The following RARB variants were observed in gnomAD, a reference collection of about 807,000 sequenced individuals.
RARB encodes the protein HBV-activated protein.
RARB carries 17 observed loss-of-function variants against 51.9 expected under a neutral mutation model. The observed-to-expected ratio is 0.33, with a 90% CI of 0.22 to 0.49. The LOEUF is 0.49. Ranked by LOEUF, RARB falls within the 20% of genes least tolerant of loss-of-function variation. RARB has a pLI of 0.99. For missense variants in RARB, 369 were observed against 550.8 expected (o/e 0.67, Z 3.30); for synonymous variants, 215 against 195.4 (o/e 1.10, Z -0.84).
chr3:25,494,688 A>T (rs1292653248), intron 2 of RARB, among the ~76,000 whole-genome samples: 1 of 152,176 alleles, frequency 6.6e-6, no homozygotes, highest in African/African-American at 2.4e-5. Context: ...ATTGGCATCG[A>T]GTGAATGTAT....
chr3:25,366,305 C>G (rs1437279956), intron 5 of RARB, among the ~76,000 whole-genome samples: 1 of 152,200 alleles, frequency 6.6e-6, no homozygotes, highest in Non-Finnish European at 1.5e-5. Flanking sequence ...CTGATTATTT[C>G]CCAGTCCCAT....
intron 3 of RARB, among the ~76,000 whole-genome samples, chr3:25,081,080 T>G (rs532545125): frequency 6.6e-6 from 1 of 152,262 alleles, no homozygotes; most frequent in South Asian, 2.1e-4. Context: ...GGTGAAAATT[T>G]AGATCATTAG....
chr3:25,337,417 T>G (rs1280777775), intron 5 of RARB, among the ~76,000 whole-genome samples: 5 of 152,218 alleles, frequency 3.3e-5, no homozygotes, highest in African/African-American at 1.2e-4. Flanking sequence ...GTTCCCTCAA[T>G]GTGTCAGAAG....
At chr3:24,944,904 G>T (rs1695741431) in intron 2 of RARB, among the ~76,000 whole-genome samples, 3 of 152,124 alleles carry the variant, frequency 2.0e-5, no homozygotes, top group South Asian at 2.1e-4. Context: ...GCCATTGAAG[G>T]TTCAGTAACA....
At chr3:25,577,878 C>A (rs1701004721) in intron 4 of RARB, among the ~76,000 whole-genome samples, 1 of 152,136 alleles carries the variant, frequency 6.6e-6, no homozygotes, top group Non-Finnish European at 1.5e-5. Context: ...CATATATGGG[C>A]CACCACGCGG....
chr3:25,594,428 A>G (rs1701733346), intron 6 of RARB, 92 bp from the exon 7 acceptor site: 3 of 1,284,698 alleles, frequency 2.3e-6, no homozygotes, highest in Non-Finnish European at 3.1e-6. Context: ...TACCAAATTA[A>G]TGAACTCATA....
At chr3:25,274,780 G>A (rs1703339472) in intron 5 of RARB, among the ~76,000 whole-genome samples, 1 of 152,066 alleles carries the variant, frequency 6.6e-6, no homozygotes, top group Non-Finnish European at 1.5e-5. Flanking sequence ...CATTATAGCG[G>A]CAAAAATACA....
chr3:25,081,037 G>T (rs971023007), intron 3 of RARB, among the ~76,000 whole-genome samples: 2 of 152,020 alleles, frequency 1.3e-5, no homozygotes, highest in African/African-American at 2.4e-5. Context: ...TATGCATACT[G>T]TGGGTTTAAT....
chr3:25,571,700 A>G (rs541507550), intron 4 of RARB, among the ~76,000 whole-genome samples: 2 of 152,344 alleles, frequency 1.3e-5, no homozygotes, highest in Admixed American at 1.3e-4. Flanking sequence ...CTCAGCCACC[A>G]TCAGCCCCAT....
chr3:25,597,367 A>ATTAAAAGTGGTTTATTAC lies in RARB; in HGVS notation c.*754_*771dup, dbSNP rs1293073911. The ATTAAAAGTGGTTTATTAC allele has an allele frequency of 1.3e-5, 2 of 152,154 alleles. No individual in the cohort carries two copies. Among genetic ancestry groups the ATTAAAAGTGGTTTATTAC allele is most frequent in the African/African-American group, 4.8e-5 (2 of 41,340 alleles). 9.4% of individuals were successfully genotyped at this position (152,154 alleles called of 1,614,324 possible). Reference sequence around the variant, plus strand: ...TGTTCAATTGTTAATGTCACTTTAAATTAAAAGTGGTTTATTACTTGTTTA... The same window carrying ATTAAAAGTGGTTTATTAC: ...TGTTCAATTGTTAATGTCACTTTAAATTAAAAGTGGTTTATTACTTAAAAGTGGTTTATTACTTGTTTA... On this transcript the variant is annotated 3_prime_UTR_variant, in exon 8 of 8. Coordinates refer to ENST00000330688, the MANE Select transcript of RARB (RefSeq NM_000965.5).
At chr3:24,898,180 A>G (rs1449447684) in intron 2 of RARB, among the ~76,000 whole-genome samples, 1 of 152,124 alleles carries the variant, frequency 6.6e-6, no homozygotes, top group African/African-American at 2.4e-5. Flanking sequence ...CACTGCTGTG[A>G]CTGATGCTTC....
chr3:24,939,281 T>C (rs888387720), intron 2 of RARB, among the ~76,000 whole-genome samples: 7 of 152,210 alleles, frequency 4.6e-5, no homozygotes, highest in African/African-American at 1.7e-4. Context: ...CGTGAACTTT[T>C]ATGTACAGTG....
At position 25,194,510 on chromosome 3, in the gene RARB, T is replaced by A. The variant is rs532771712; in HGVS notation, c.178+19935T>A. Among the ~76,000 whole-genome samples the A allele has an allele frequency of 2.0e-5, 3 of 150,780 alleles. No individual in the cohort carries two copies. In the South Asian group the frequency reaches 6.3e-4, roughly 31 times the overall value. On this transcript the variant is annotated intron_variant, in intron 5 of 11. Transcript: ENST00000383772. ...ATATATATACACACACATAGTGATA[T>A]ATATATGTTGATATATATATATATA...
chr3:24,913,475 C>T (rs1246149710), intron 2 of RARB, among the ~76,000 whole-genome samples: 1 of 145,586 alleles, frequency 6.9e-6, no homozygotes, highest in African/African-American at 2.5e-5. Flanking sequence ...ACATTTCTCT[C>T]AATTCAAGGG....
intron 2 of RARB, among the ~76,000 whole-genome samples, chr3:24,874,416 G>A (rs956417763): frequency 6.6e-6 from 1 of 151,346 alleles, no homozygotes; most frequent in African/African-American, 2.4e-5. Context: ...AATCTTCCAG[G>A]ATGATGACTT....
chr3:25,094,400 G>A (rs777357746), intron 3 of RARB, among the ~76,000 whole-genome samples: 1 of 152,058 alleles, frequency 6.6e-6, no homozygotes, highest in South Asian at 2.1e-4. Context: ...CATGAAGAAG[G>A]TAATATCATT....
At chr3:25,133,104 T>C (rs1448456863) in intron 4 of RARB, among the ~76,000 whole-genome samples, 2 of 151,976 alleles carry the variant, frequency 1.3e-5, no homozygotes, top group African/African-American at 4.8e-5. Context: ...GAACGAGTTC[T>C]TTTAGATTTA....
intron 2 of RARB, among the ~76,000 whole-genome samples, chr3:24,927,500 T>A (rs1455970324): frequency 1.3e-5 from 2 of 152,098 alleles, no homozygotes; most frequent in African/African-American, 4.8e-5. Flanking sequence ...TTGAAAGCTC[T>A]ATGTGACATC....
At chr3:25,099,594 C>T (rs978180968) in intron 3 of RARB, among the ~76,000 whole-genome samples, 1 of 141,908 alleles carries the variant, frequency 7.0e-6, no homozygotes, top group East Asian at 2.1e-4. Flanking sequence ...CTCTACCTTT[C>T]TCATGAGTAT....
Sources: allele counts gnomAD v4.1 joint callset (sites outside exome capture counted in the v4.1 genomes callset), GRCh38; gene constraint gnomAD v4.1.1; transcripts MANE v1.5; gene names NCBI Gene and HGNC (gene_info 2026-07-23, HGNC 2026-07-21).